AMMECR1: variants seen among roughly 807,000 people sequenced by gnomAD.
AMMECR1 encodes AMMECR nuclear protein 1, also known as nuclear protein AMMECR1.
In AMMECR1, 3 loss-of-function variants were observed where a neutral mutation model predicts 22.5. The ratio of observed to expected loss-of-function variants is 0.13; its 90% CI spans 0.06 to 0.35. AMMECR1 has a LOEUF of 0.35. AMMECR1 is among the 10% of genes least tolerant of loss of function. The probability of loss-of-function intolerance (pLI) is 1.00; values close to 1 mark genes in which losing one functional copy is unlikely to be tolerated. For synonymous variants in AMMECR1, 130 were observed against 116.7 expected (o/e 1.11, Z -0.74); for missense variants, 235 against 278.7 (o/e 0.84, Z 1.12).
chrX:110,325,477 G>C (rs994682918), intron 2 of AMMECR1, among the ~76,000 whole-genome samples: 3 of 111,731 alleles, frequency 2.7e-5, no homozygotes, highest in African/African-American at 9.8e-5. Context: ...CTAGTTATTT[G>C]TTACAGGTGT....
chrX:110,439,749 G>A (rs1280217697), intron 1 of AMMECR1: 2 of 110,545 alleles, frequency 1.8e-5, no homozygotes, highest in African/African-American at 6.6e-5. Flanking sequence ...GGGCGAAGGG[G>A]AGCCGTGGGG....
intron 1 of AMMECR1, among the ~76,000 whole-genome samples, chrX:110,429,486 TG>T (rs770412186): frequency 0.017 from 1,184 of 69,132 alleles, 29 homozygotes; most frequent in African/African-American, 0.081. Context: ...TTTGTTTTTT[TG>T]GTTTTTTTGT....
chrX:110,371,185 G>C (rs927120588), intron 2 of AMMECR1, among the ~76,000 whole-genome samples: 4 of 110,802 alleles, frequency 3.6e-5, no homozygotes, highest in African/African-American at 1.3e-4. Flanking sequence ...TAAAGATCCA[G>C]TTTTCACCCT....
At chrX:110,304,442 T>A (rs780504066) in intron 1 of AMMECR1, among the ~76,000 whole-genome samples, 122 of 112,490 alleles carry the variant, frequency 1.1e-3, no homozygotes, top group Non-Finnish European at 1.7e-3. Context: ...TAGACAATTT[T>A]TCTAACTTCA....
chrX:110,378,679 C>A (rs2068396431), intron 2 of AMMECR1, among the ~76,000 whole-genome samples: 1 of 112,114 alleles, frequency 8.9e-6, no homozygotes, highest in African/African-American at 3.2e-5. Context: ...CTGGAATTAA[C>A]TGCCTGCCAC....
At chrX:110,314,144 C>G (rs774725302) in intron 1 of AMMECR1, among the ~76,000 whole-genome samples, 1 of 111,693 alleles carries the variant, frequency 9.0e-6, no homozygotes, top group Non-Finnish European at 1.9e-5. Context: ...CTTTAATGTG[C>G]GTAAGAATCA....
At chrX:110,376,378 T>C (rs753544332) in intron 2 of AMMECR1, among the ~76,000 whole-genome samples, 5 of 111,223 alleles carry the variant, frequency 4.5e-5, no homozygotes, top group Non-Finnish European at 9.4e-5. Flanking sequence ...GACAGGGATG[T>C]CAGAGTGAGG....
chrX:110,194,385 A>C lies in AMMECR1; in HGVS notation c.*4135T>G, dbSNP rs1274145935. 8 of 111,936 alleles carry C rather than the reference A, an allele frequency of 7.1e-5. No homozygotes were observed. In the Admixed American group the frequency reaches 7.6e-4, roughly 11 times the overall value. 9.2% of individuals were successfully genotyped at this position (111,936 alleles called of 1,213,427 possible). On this transcript the variant is annotated 3_prime_UTR_variant, in exon 6 of 6. Transcript: ENST00000262844. ...TTCCAATAGTTTCTTCAAACTATTA[A>C]GCAATTAAATGTGGAAGGAAGGAGG...
chrX:110,333,100 A>G (rs986682520), intron 2 of AMMECR1, among the ~76,000 whole-genome samples: 3 of 111,422 alleles, frequency 2.7e-5, no homozygotes, highest in Non-Finnish European at 5.7e-5. Context: ...AATGTTGGGT[A>G]TGCACAAAAG....
At chrX:110,358,521 G>C (rs1043137901) in intron 2 of AMMECR1, among the ~76,000 whole-genome samples, 5 of 111,035 alleles carry the variant, frequency 4.5e-5, no homozygotes, top group African/African-American at 1.6e-4. Flanking sequence ...TTGAAGACAA[G>C]CAAGCTGAGG....
chrX:110,268,078 T>C (rs1239794785), intron 1 of AMMECR1, among the ~76,000 whole-genome samples: 1 of 112,341 alleles, frequency 8.9e-6, no homozygotes, highest in Non-Finnish European at 1.9e-5. Flanking sequence ...AAACAGGAAG[T>C]AGTCTGATAG....
intron 4 of AMMECR1, among the ~76,000 whole-genome samples, chrX:110,201,458 A>C (rs2067396719): frequency 8.9e-6 from 1 of 111,832 alleles, no homozygotes; most frequent in Admixed American, 9.4e-5. Context: ...ACCACCTCAC[A>C]GTAATTGTTG....
At chrX:110,415,523 A>T (rs949209618) in intron 2 of AMMECR1, among the ~76,000 whole-genome samples, 2 of 111,515 alleles carry the variant, frequency 1.8e-5, no homozygotes, top group Non-Finnish European at 3.8e-5. Context: ...CCATGGAGGA[A>T]TCGACAACCA....
intron 2 of AMMECR1, among the ~76,000 whole-genome samples, chrX:110,244,808 T>A (rs1483567688): frequency 8.9e-6 from 1 of 112,336 alleles, no homozygotes; most frequent in Non-Finnish European, 1.9e-5. Flanking sequence ...AAGTTATGTA[T>A]TTAACTACAG....
chrX:110,245,559 A>C (rs2067654347), intron 2 of AMMECR1, among the ~76,000 whole-genome samples: 1 of 111,183 alleles, frequency 9.0e-6, no homozygotes, highest in South Asian at 3.8e-4. Flanking sequence ...AGCAAACAAA[A>C]GCCCTTAGAA....
At chrX:110,427,104 C>T (rs2068759828) in intron 1 of AMMECR1, among the ~76,000 whole-genome samples, 1 of 111,934 alleles carries the variant, frequency 8.9e-6, no homozygotes, top group Admixed American at 9.4e-5. Context: ...CTCTTTTCTC[C>T]ATTCCTACTG....
At chrX:110,312,746 A>G (rs1438663195) in intron 1 of AMMECR1, among the ~76,000 whole-genome samples, 2 of 112,037 alleles carry the variant, frequency 1.8e-5, no homozygotes, top group Non-Finnish European at 3.8e-5. Context: ...AAGATACGAC[A>G]TCAGATTGTC....
In AMMECR1 at chrX:110,332,873, A is replaced by G. The variant is rs1405637984; in HGVS notation, c.-147-15024T>C. On this transcript the variant is annotated intron_variant, in intron 2 of 7. Coordinates refer to the AMMECR1 transcript ENST00000372057. ...GGGAGTAATGGTAGATTCCATGAGC[A>G]TCAAGGACTACTTTTGCTGCCTTTT... 7.2e-5 allele frequency among the ~76,000 whole-genome samples: 8 copies of G among 111,689 alleles called. No individual in the cohort carries two copies. In the East Asian group the frequency reaches 2.3e-3, roughly 32 times the overall value.
chrX:110,349,989 A>G (rs759795309), intron 2 of AMMECR1, among the ~76,000 whole-genome samples: 1 of 112,284 alleles, frequency 8.9e-6, no homozygotes, highest in South Asian at 3.7e-4. Context: ...GGTAGAACAC[A>G]GACTTAATCA....
Sources: gnomAD v4.1 joint callset for allele counts (sites outside exome capture counted in the v4.1 genomes callset) on GRCh38, gnomAD v4.1.1 for gene constraint, MANE v1.5 for transcripts, NCBI Gene and HGNC (gene_info 2026-07-23, HGNC 2026-07-21) for gene names.